The following TANC1 variants were observed in gnomAD, a reference collection of about 807,000 sequenced individuals.
TANC1 encodes the protein tetratricopeptide repeat, ankyrin repeat and coiled-coil containing 1, also known as protein TANC1.
TANC1 carries 77 observed loss-of-function variants against 149.7 expected under a neutral mutation model. That is an observed-to-expected ratio of 0.51 (90% CI 0.43 to 0.62). The LOEUF is 0.62. Ranked by LOEUF, TANC1 falls within the 20% of genes least tolerant of loss-of-function variation. The probability of loss-of-function intolerance (pLI) is 0.00; values close to 1 mark genes in which losing one functional copy is unlikely to be tolerated. For synonymous variants in TANC1, 854 were observed against 925.0 expected (o/e 0.92, Z 1.39); for missense variants, 1,985 against 2,321.8 (o/e 0.85, Z 2.98).
chr2:159,033,534 T>C (rs1030685184), intron 2 of TANC1, among the ~76,000 whole-genome samples: 1 of 152,042 alleles, frequency 6.6e-6, no homozygotes, highest in Non-Finnish European at 1.5e-5. Flanking sequence ...TTGGGAAACA[T>C]TGGTAAAGGA....
intron 3 of TANC1, among the ~76,000 whole-genome samples, chr2:159,085,356 G>A (rs2044728861): frequency 6.6e-6 from 1 of 152,026 alleles, no homozygotes; most frequent in African/African-American, 2.4e-5. Flanking sequence ...CCTAGTCTCA[G>A]GTATTCTTTT....
intron 19 of TANC1, among the ~76,000 whole-genome samples, chr2:159,216,062 A>G (rs570668322): frequency 2.6e-5 from 4 of 152,250 alleles, no homozygotes; most frequent in African/African-American, 9.6e-5. Flanking sequence ...ACTTACTCGT[A>G]GCGTCAGCCT....
intron 2 of TANC1, among the ~76,000 whole-genome samples, chr2:159,051,147 G>A (rs901271732): frequency 6.6e-6 from 1 of 152,126 alleles, no homozygotes; most frequent in African/African-American, 2.4e-5. Flanking sequence ...CATGTGTCTT[G>A]TTTTCCACTG....
intron 18 of TANC1, among the ~76,000 whole-genome samples, 185 bp downstream of exon 18, chr2:159,196,978 A>G (rs1575201801): frequency 6.6e-6 from 1 of 152,336 alleles, no homozygotes; most frequent in South Asian, 2.1e-4. Context: ...ACTCCTATGC[A>G]CACGTGATGG....
At chr2:159,202,177 G>A (rs1052288600) in intron 19 of TANC1, among the ~76,000 whole-genome samples, 45 of 152,280 alleles carry the variant, frequency 3.0e-4, no homozygotes, top group African/African-American at 9.4e-4. Flanking sequence ...CACTCAGGCC[G>A]TCAGTGTGGT....
intron 2 of TANC1, among the ~76,000 whole-genome samples, chr2:159,048,745 C>A (rs1213307947): frequency 6.6e-6 from 1 of 152,172 alleles, no homozygotes. Context: ...ATATGATCTA[C>A]AAAAATCATA....
intron 8 of TANC1, among the ~76,000 whole-genome samples, chr2:159,166,380 C>T (rs2054599635): frequency 6.6e-6 from 1 of 152,082 alleles, no homozygotes; most frequent in African/African-American, 2.4e-5. Context: ...GAGATGTCTC[C>T]CTCTGCCTTG....
At chr2:159,029,223 A>C (rs2039593570) in intron 2 of TANC1, among the ~76,000 whole-genome samples, 1 of 152,168 alleles carries the variant, frequency 6.6e-6, no homozygotes. Context: ...TATATATCAC[A>C]TTTTGTTTAT....
chr2:159,195,132 T>A (rs537512343), intron 17 of TANC1, among the ~76,000 whole-genome samples: 1 of 152,332 alleles, frequency 6.6e-6, no homozygotes, highest in African/African-American at 2.4e-5. Context: ...ATCAACTTTT[T>A]TTTCTGTTTT....
intron 3 of TANC1, among the ~76,000 whole-genome samples, chr2:159,078,800 T>C (rs1293641330): frequency 6.6e-6 from 1 of 152,078 alleles, no homozygotes; most frequent in Non-Finnish European, 1.5e-5. Context: ...AACGTAAGAG[T>C]CTGTTTGAAT....
intron 16 of TANC1, among the ~76,000 whole-genome samples, chr2:159,187,266 G>T (rs1332778055): frequency 1.3e-5 from 2 of 152,238 alleles, no homozygotes; most frequent in Non-Finnish European, 2.9e-5. Flanking sequence ...TGTGGTGACT[G>T]TTTCACAGCA....
chr2:159,118,487 G>A (rs1435263894), intron 4 of TANC1, among the ~76,000 whole-genome samples: 1 of 152,180 alleles, frequency 6.6e-6, no homozygotes, highest in African/African-American at 2.4e-5. Flanking sequence ...TCAGGAGTAT[G>A]CAAGCCTTTC....
intron 21 of TANC1, 153 bp downstream of exon 21, chr2:159,219,514 C>T (rs2059555065): frequency 7.9e-7 from 1 of 1,269,136 alleles, no homozygotes; most frequent in Non-Finnish European, 1.1e-6. Flanking sequence ...CAGCCACATG[C>T]CTGGTATTCC....
intron 3 of TANC1, among the ~76,000 whole-genome samples, chr2:159,095,867 A>G (rs1022294913): frequency 6.6e-6 from 1 of 151,558 alleles, no homozygotes; most frequent in Non-Finnish European, 1.5e-5. Flanking sequence ...CAGTGATACC[A>G]CTTGAAACTT....
chr2:159,019,628 C>T (rs778714042), intron 2 of TANC1, among the ~76,000 whole-genome samples: 14 of 145,054 alleles, frequency 9.7e-5, no homozygotes, highest in Non-Finnish European at 6.0e-5. Flanking sequence ...TCTTTGCTTC[C>T]CTAACTGCAG....
At chr2:159,099,442 T>A (rs2046446994) in intron 4 of TANC1, among the ~76,000 whole-genome samples, 1 of 152,098 alleles carries the variant, frequency 6.6e-6, no homozygotes, top group African/African-American at 2.4e-5. Context: ...TTACTTTTTC[T>A]TTATTATCAG....
intron 2 of TANC1, among the ~76,000 whole-genome samples, chr2:159,004,931 A>G (rs927487186): frequency 6.6e-6 from 1 of 152,230 alleles, no homozygotes. Flanking sequence ...CAAGCCAGTC[A>G]TAAGCATTGT....
At chr2:159,100,063 T>A (rs146260108) in intron 4 of TANC1, among the ~76,000 whole-genome samples, 113 of 152,302 alleles carry the variant, frequency 7.4e-4, no homozygotes, top group African/African-American at 2.7e-3. Context: ...TAATAGATAA[T>A]AGAGATAATT....
chr2:159,207,109 C>T (rs1220837060), intron 19 of TANC1, among the ~76,000 whole-genome samples: 1 of 152,160 alleles, frequency 6.6e-6, no homozygotes, highest in African/African-American at 2.4e-5. Flanking sequence ...TGAAATGATG[C>T]AGATAAGAAC....
Sources: gnomAD v4.1 joint callset for allele counts (sites outside exome capture counted in the v4.1 genomes callset) on GRCh38, gnomAD v4.1.1 for gene constraint, MANE v1.5 for transcripts, NCBI Gene and HGNC (gene_info 2026-07-23, HGNC 2026-07-21) for gene names.